Variants in ATRNL1 observed in about 807,000 individuals in gnomAD.
ATRNL1 encodes attractin-like protein 1.
In ATRNL1, 95 loss-of-function variants were observed where a neutral mutation model predicts 182.7. The observed-to-expected ratio is 0.52, with a 90% CI of 0.44 to 0.62. ATRNL1 has a LOEUF of 0.62. ATRNL1 is among the 20% of genes least tolerant of loss of function. The pLI is 0.00. For synonymous variants in ATRNL1, 576 were observed against 568.3 expected (o/e 1.01, Z -0.19); for missense variants, 1,471 against 1,679.5 (o/e 0.88, Z 2.17).
chr10:115,391,954 A>G (rs1295511079), intron 19 of ATRNL1, among the ~76,000 whole-genome samples: 4 of 152,148 alleles, frequency 2.6e-5, no homozygotes, highest in African/African-American at 9.7e-5. Flanking sequence ...AATATTATAA[A>G]TGATTTATAT....
At chr10:115,725,194 G>A (rs1947556829) in intron 26 of ATRNL1, among the ~76,000 whole-genome samples, 1 of 152,084 alleles carries the variant, frequency 6.6e-6, no homozygotes, top group South Asian at 2.1e-4. Flanking sequence ...CTTAAAAACT[G>A]ATAGAAACAC....
intron 27 of ATRNL1, among the ~76,000 whole-genome samples, chr10:115,765,975 T>A (rs1359046391): frequency 1.3e-4 from 2 of 15,574 alleles, no homozygotes; most frequent in African/African-American, 1.4e-4. Flanking sequence ...AACCATCCTT[T>A]CCCCCCCCCG....
At chr10:115,243,719 A>AT (rs1850516698) in intron 10 of ATRNL1, among the ~76,000 whole-genome samples, 1 of 151,976 alleles carries the variant, frequency 6.6e-6, no homozygotes, top group Non-Finnish European at 1.5e-5. Flanking sequence ...TATGAGTTCC[A>AT]TTTTTTCAAG....
At chr10:115,760,774 C>G (rs979933613) in intron 27 of ATRNL1, among the ~76,000 whole-genome samples, 1 of 152,116 alleles carries the variant, frequency 6.6e-6, no homozygotes, top group African/African-American at 2.4e-5. Flanking sequence ...GAAAGGTTAT[C>G]AAGTAGTAAG....
At chr10:115,918,958 GA>G (rs1952962319) in intron 28 of ATRNL1, among the ~76,000 whole-genome samples, 1 of 152,124 alleles carries the variant, frequency 6.6e-6, no homozygotes, top group Admixed American at 6.5e-5. Context: ...GCAAACCTAA[GA>G]ACTTGACTGT....
intron 2 of ATRNL1, 89 bp downstream of exon 2, chr10:115,120,357 ACTTT>A (rs1473564753): frequency 1.5e-6 from 1 of 664,212 alleles, no homozygotes; most frequent in Admixed American, 3.1e-5. Context: ...GAGTATAATT[ACTTT>A]ATCATTTAGT....
At chr10:115,709,464 C>A (rs1318307588) in intron 26 of ATRNL1, among the ~76,000 whole-genome samples, 1 of 151,830 alleles carries the variant, frequency 6.6e-6, no homozygotes, top group Admixed American at 6.6e-5. Context: ...GTATCACAAA[C>A]TTATTCCAAT....
At chr10:115,938,609 G>A (rs1159020877) in intron 28 of ATRNL1, among the ~76,000 whole-genome samples, 7 of 151,954 alleles carry the variant, frequency 4.6e-5, no homozygotes, top group South Asian at 4.1e-4. Flanking sequence ...GTCCATCAAC[G>A]GATAAAGGGA....
At position 115,334,074 on chromosome 10, in the gene ATRNL1, A is replaced by T. The variant is rs1028694810; in HGVS notation, c.3038-208A>T. Among the ~76,000 whole-genome samples, 6 of 152,332 alleles carry T rather than the reference A, an allele frequency of 3.9e-5. No homozygotes were observed. The South Asian group carries it at 1.2e-3, about 32-fold the overall frequency. On this transcript the variant is annotated intron_variant, in intron 18 of 28. Transcript: ENST00000355044. ...TTAACCATGGCATTGTAAAGAGGTT[A>T]AGGTAAAATTTCAACACATGATTTA... is the stretch of plus-strand genomic sequence containing the variant.
intron 8 of ATRNL1, among the ~76,000 whole-genome samples, chr10:115,201,817 T>C (rs1848592150): frequency 6.6e-6 from 1 of 152,222 alleles, no homozygotes; most frequent in Admixed American, 6.5e-5. Context: ...TAAATTACCT[T>C]GGGCAGTATG....
At chr10:115,451,716 G>A (rs1847290834) in intron 21 of ATRNL1, among the ~76,000 whole-genome samples, 1 of 152,044 alleles carries the variant, frequency 6.6e-6, no homozygotes, top group African/African-American at 2.4e-5. Context: ...TCCTCAAAGA[G>A]CCAAAAGCAG....
intron 27 of ATRNL1, among the ~76,000 whole-genome samples, chr10:115,728,125 AAAG>A (rs1396850847): frequency 9.2e-4 from 65 of 70,682 alleles, no homozygotes; most frequent in African/African-American, 2.5e-3. Context: ...AAAAAAAAAA[AAAG>A]AAAAAAAAAA....
intron 20 of ATRNL1, among the ~76,000 whole-genome samples, chr10:115,406,815 T>C (rs1238550759): frequency 6.6e-6 from 1 of 152,166 alleles, no homozygotes; most frequent in African/African-American, 2.4e-5. Flanking sequence ...GGTTGGACTT[T>C]CATGCCAATT....
At chr10:115,223,800 C>CT (rs1204271082) in intron 9 of ATRNL1, among the ~76,000 whole-genome samples, 2 of 148,178 alleles carry the variant, frequency 1.3e-5, no homozygotes, top group Non-Finnish European at 3.0e-5. Flanking sequence ...TAAAAAGTAA[C>CT]TTTTTGGTGA....
chr10:115,687,965 C>A (rs781830004), intron 26 of ATRNL1, among the ~76,000 whole-genome samples: 1 of 152,006 alleles, frequency 6.6e-6, no homozygotes, highest in East Asian at 1.9e-4. Context: ...TTCACTCCCC[C>A]GCTCCCCACT....
At chr10:115,262,557 C>G (rs1554909082) in intron 10 of ATRNL1, among the ~76,000 whole-genome samples, 1 of 151,682 alleles carries the variant, frequency 6.6e-6, no homozygotes, top group Non-Finnish European at 1.5e-5. Flanking sequence ...AAGGTAAGAC[C>G]AACTTTCTGT....
chr10:115,208,692 T>C (rs1848899603), intron 8 of ATRNL1, among the ~76,000 whole-genome samples: 1 of 152,100 alleles, frequency 6.6e-6, no homozygotes, highest in South Asian at 2.1e-4. Context: ...AAGAGGTGTT[T>C]ACTAGTTTTT....
chr10:115,433,636 G>C (rs1846265388), intron 21 of ATRNL1, among the ~76,000 whole-genome samples: 1 of 151,816 alleles, frequency 6.6e-6, no homozygotes, highest in African/African-American at 2.4e-5. Flanking sequence ...CTGTATCCCT[G>C]TACTTTTAGA....
chr10:115,523,433 G>A (rs1554985762), intron 25 of ATRNL1, among the ~76,000 whole-genome samples: 1 of 152,030 alleles, frequency 6.6e-6, no homozygotes, highest in Non-Finnish European at 1.5e-5. Context: ...GCACTCTTCT[G>A]AAAACACTCT....
Sources: gnomAD v4.1 joint callset for allele counts (sites outside exome capture counted in the v4.1 genomes callset) on GRCh38, gnomAD v4.1.1 for gene constraint, MANE v1.5 for transcripts, NCBI Gene and HGNC (gene_info 2026-07-23, HGNC 2026-07-21) for gene names.